The following TTC34 variants were observed in gnomAD, a reference collection of about 807,000 sequenced individuals.
TTC34 encodes the protein tetratricopeptide repeat domain 34.
Under a neutral mutation model 40.7 loss-of-function variants are expected in TTC34, and 44 were observed. The observed-to-expected ratio is 1.08, with a 90% CI of 0.85 to 1.39. The LOEUF is 1.39. Ranked by LOEUF, TTC34 falls within the 40% of genes most tolerant of loss-of-function variation. The pLI is 0.00. For missense variants in TTC34, 884 were observed against 838.0 expected (o/e 1.05, Z -0.68); for synonymous variants, 422 against 398.6 (o/e 1.06, Z -0.70).
chr1:2,653,253 G>C (rs549757449), intron 6 of TTC34, among the ~76,000 whole-genome samples: 1 of 149,756 alleles, frequency 6.7e-6, no homozygotes, highest in African/African-American at 2.4e-5. Context: ...ACATGCCCAG[G>C]TGAGCCTCTG....
chr1:2,644,322 G>A (rs749301757), exon 8 of TTC34: 2 of 1,535,762 alleles, frequency 1.3e-6, no homozygotes, highest in South Asian at 1.2e-5. Context: ...GCTGAGATCC[G>A]GGGCATCCAC....
intron 2 of TTC34, among the ~76,000 whole-genome samples, chr1:2,792,109 T>C (rs1643670092): frequency 1.4e-5 from 2 of 144,808 alleles, no homozygotes; most frequent in African/African-American, 5.1e-5. Context: ...CTTGACCTCC[T>C]GGGCTCAGCC....
At chr1:2,652,368 C>G (rs1170879440) in intron 6 of TTC34, among the ~76,000 whole-genome samples, 1 of 152,002 alleles carries the variant, frequency 6.6e-6, no homozygotes, top group Non-Finnish European at 1.5e-5. Flanking sequence ...ACGCACACCC[C>G]CAGGTGAGCA....
At chr1:2,675,083 C>T (rs1208248000) in intron 6 of TTC34, among the ~76,000 whole-genome samples, 3 of 105,176 alleles carry the variant, frequency 2.9e-5, no homozygotes, top group East Asian at 2.6e-4. Context: ...GCCCACACAC[C>T]CAGGCGAGCA....
chr1:2,750,598 C>G (rs1569690207), intron 6 of TTC34, among the ~76,000 whole-genome samples: 1 of 66,830 alleles, frequency 1.5e-5, no homozygotes. Flanking sequence ...TGGAGCAGCA[C>G]CCCACACCCA....
intron 6 of TTC34, among the ~76,000 whole-genome samples, chr1:2,684,900 T>C (rs958668546): frequency 8.8e-6 from 1 of 113,856 alleles, no homozygotes; most frequent in East Asian, 2.7e-4. Flanking sequence ...TCTGACAGCC[T>C]GGAACAGCAC....
chr1:2,688,615 A>C (rs1264267476), intron 6 of TTC34, among the ~76,000 whole-genome samples: 3 of 133,284 alleles, frequency 2.3e-5, no homozygotes, highest in Non-Finnish European at 4.7e-5. Flanking sequence ...CCACACCCCC[A>C]GGTGCGCATC....
chr1:2,682,135 C>T (rs201506331), intron 6 of TTC34, among the ~76,000 whole-genome samples: 88 of 114,520 alleles, frequency 7.7e-4, no homozygotes, highest in Non-Finnish European at 1.7e-3. Flanking sequence ...CAGCCTGGAA[C>T]AGCACCCTGC....
intron 6 of TTC34, among the ~76,000 whole-genome samples, chr1:2,686,699 G>A (rs1475223761): frequency 3.4e-5 from 5 of 148,334 alleles, no homozygotes; most frequent in African/African-American, 5.0e-5. Context: ...GTGCGCACGT[G>A]ACAGCCTGGA....
At chr1:2,752,491 C>T (rs1641355253) in intron 6 of TTC34, among the ~76,000 whole-genome samples, 1 of 141,516 alleles carries the variant, frequency 7.1e-6, no homozygotes, top group Non-Finnish European at 1.5e-5. Context: ...AGCACCCACA[C>T]AGCCAGGTGA....
chr1:2,690,382 C>T (rs1284598914), intron 6 of TTC34, among the ~76,000 whole-genome samples: 676 of 149,264 alleles, frequency 4.5e-3, no homozygotes, highest in Admixed American at 6.5e-3. Context: ...ACCCACACCC[C>T]CAGGCGAGCA....
intron 6 of TTC34, among the ~76,000 whole-genome samples, chr1:2,779,823 C>G (rs1352085543): frequency 1.3e-5 from 2 of 152,168 alleles, no homozygotes; most frequent in Non-Finnish European, 2.9e-5. Context: ...TTGTGCTTCC[C>G]TGATGATTGG....
chr1:2,772,604 C>A (rs1224233786), intron 6 of TTC34, among the ~76,000 whole-genome samples: 1 of 21,738 alleles, frequency 4.6e-5, no homozygotes, highest in Non-Finnish European at 1.1e-4. Flanking sequence ...TGGAGCAGCA[C>A]CCACACCCCC....
chr1:2,677,607 G>GC (rs200244220), intron 6 of TTC34, among the ~76,000 whole-genome samples: 354 of 3,464 alleles, frequency 0.1, 3 homozygotes, highest in Non-Finnish European at 0.16. Context: ...ACAGCACGCT[G>GC]CCCCCCCAGG....
chr1:2,798,896 T>C (rs1226152526), intron 2 of TTC34, among the ~76,000 whole-genome samples: 1 of 73,500 alleles, frequency 1.4e-5, no homozygotes, highest in Non-Finnish European at 2.6e-5. Flanking sequence ...CCCCCCAGCC[T>C]CCCAGCCTCT....
chr1:2,759,092 TG>T (rs1641603434), intron 6 of TTC34, among the ~76,000 whole-genome samples: 1 of 36,894 alleles, frequency 2.7e-5, no homozygotes. Context: ...GGTGAGCATC[TG>T]ACAGACTGGA....
chr1:2,787,807 C>G, intron 3 of TTC34, 101 bp from the exon 4 acceptor site: 2 of 1,021,434 alleles, frequency 2.0e-6, no homozygotes, highest in East Asian at 5.4e-5. Flanking sequence ...TGTACCTGGC[C>G]TGGGCAGCTC....
intron 2 of TTC34, among the ~76,000 whole-genome samples, chr1:2,793,156 C>T (rs1435283947): frequency 6.6e-6 from 1 of 152,142 alleles, no homozygotes. Context: ...TTCTATTTTC[C>T]TGATGACTAG....
rs1267907009 is a variant in TTC34 at position 2,757,792 on chromosome 1, C to T, written c.2226+25817G>A. On this transcript the variant is annotated intron_variant, in intron 6 of 8. Transcript: ENST00000401095. ...TGAACCCACGGAGCAGCACCCACAC[C>T]TTCCGGCGAGCATCCGACAGCCTGG... Among the ~76,000 whole-genome samples, 9 of 146,162 alleles carry T rather than the reference C, an allele frequency of 6.2e-5. No homozygotes were observed. In the South Asian group the frequency reaches 8.5e-4, roughly 14 times the overall value.
Sources: gnomAD v4.1 joint callset for allele counts (sites outside exome capture counted in the v4.1 genomes callset) on GRCh38, gnomAD v4.1.1 for gene constraint, MANE v1.5 for transcripts, NCBI Gene and HGNC (gene_info 2026-07-23, HGNC 2026-07-21) for gene names.